The following CCDC90B variants were observed in gnomAD, a reference collection of about 807,000 sequenced individuals.
CCDC90B encodes the protein coiled-coil domain containing 90B, also known as coiled-coil domain-containing protein 90B, mitochondrial.
Under a neutral mutation model 37.0 loss-of-function variants are expected in CCDC90B, and 24 were observed. That is an observed-to-expected ratio of 0.65 (90% confidence interval 0.47 to 0.91). The LOEUF is 0.91. Ranked by LOEUF, CCDC90B falls within the 40% of genes least tolerant of loss-of-function variation. The pLI is 0.00. For missense variants in CCDC90B, 319 were observed against 299.0 expected (o/e 1.07, Z -0.49); for synonymous variants, 113 against 101.1 (o/e 1.12, Z -0.71).
intron 4 of CCDC90B, 64 bp downstream of exon 4, chr11:83,274,571 ATTCC>A (rs1864906011): frequency 1.1e-6 from 1 of 888,128 alleles, no homozygotes; most frequent in East Asian, 2.7e-5. Context: ...TTATTAACTT[ATTCC>A]TTAAGTAGGA....
intron 3 of CCDC90B, among the ~76,000 whole-genome samples, chr11:83,277,118 A>C (rs952987684): frequency 6.6e-6 from 1 of 152,228 alleles, no homozygotes; most frequent in Non-Finnish European, 1.5e-5. Context: ...CAAAAGTTTA[A>C]TAGTGATATT....
chr11:83,277,318 TA>T lies in CCDC90B; in HGVS notation c.324+1407del, dbSNP rs747845336. Among the ~76,000 whole-genome samples the T allele has an allele frequency of 3.3e-5, 5 of 152,308 alleles. No individual in the cohort carries two copies. The South Asian group carries it at 6.2e-4, about 19-fold the overall frequency. ...GGACAGCTCGGAGCTTAGGAGTAAC[TA>T]ATTAGATGTTTGGCTTTTTCTTTAG... On this transcript the variant is annotated intron_variant, in intron 3 of 8. Coordinates refer to ENST00000529689, the MANE Select transcript of CCDC90B (RefSeq NM_021825.5).
At chr11:83,277,177 G>A (rs1865087700) in intron 3 of CCDC90B, among the ~76,000 whole-genome samples, 1 of 152,162 alleles carries the variant, frequency 6.6e-6, no homozygotes, top group Non-Finnish European at 1.5e-5. Context: ...GGTCCTGGCA[G>A]CACAAATATT....
rs1406471427 is a variant in CCDC90B at position 83,260,514 on chromosome 11, G to C, written c.*1397C>G. ...TCTTTTGAAAACAAACCAGCAGTTAGATTTTTGAGGAAAATATAGTTGGAA... is the reference window on the plus strand; with the variant it reads ...TCTTTTGAAAACAAACCAGCAGTTACATTTTTGAGGAAAATATAGTTGGAA... On this transcript the variant is annotated 3_prime_UTR_variant, in exon 9 of 9. Transcript: ENST00000529689. The C allele has an allele frequency of 6.6e-6, 1 of 152,222 alleles. No homozygotes were observed. Among genetic ancestry groups the C allele is most frequent in the Non-Finnish European group, 1.5e-5 (1 of 68,042 alleles). The allele number at this position is 152,222 out of a possible 1,614,324, so 9.4% of individuals were successfully genotyped here.
intron 1 of CCDC90B, 130 bp downstream of exon 1, chr11:83,285,743 C>T (rs1016940589): frequency 6.9e-7 from 1 of 1,458,614 alleles, no homozygotes; most frequent in African/African-American, 1.4e-5. Flanking sequence ...CGGCGTCGCC[C>T]AGCACAAGGC....
chr11:83,286,177 C>G lies in CCDC90B; in HGVS notation c.-205G>C, dbSNP rs751157972. The G allele has an allele frequency of 1.3e-6, 2 of 1,534,796 alleles. No homozygotes were observed. Among genetic ancestry groups the G allele is most frequent in the South Asian group, 2.4e-5 (2 of 84,040 alleles). On this transcript the variant is annotated 5_prime_UTR_variant, in exon 1 of 9. Coordinates refer to ENST00000529689, the MANE Select transcript of CCDC90B (RefSeq NM_021825.5). ...AGACCCACAGTTCGCGAGCATGGCT[C>G]AGCGCTGCCCCGCTTCTCCCAGCGC... is the stretch of plus-strand genomic sequence containing the variant.
chr11:83,262,070 C>G (rs904785741), intron 8 of CCDC90B, 104 bp from the exon 9 acceptor site: 2 of 729,240 alleles, frequency 2.7e-6, no homozygotes, highest in South Asian at 2.1e-5. Flanking sequence ...AACAGGAAAT[C>G]CAACCAATTT....
At chr11:83,263,694 G>A (rs923806908) in intron 8 of CCDC90B, among the ~76,000 whole-genome samples, 1 of 152,172 alleles carries the variant, frequency 6.6e-6, no homozygotes, top group African/African-American at 2.4e-5. Context: ...TTGGAACTAA[G>A]GAAAGAGGGC....
At chr11:83,274,781 G>T in intron 3 of CCDC90B, 41 bp from the exon 4 acceptor site, 1 of 1,242,800 alleles carries the variant, frequency 8.0e-7, no homozygotes, top group Non-Finnish European at 1.2e-6. Context: ...TCTATAGAAA[G>T]CCATCTTTTT....
At position 83,286,063 on chromosome 11, in the gene CCDC90B, G is replaced by A. The variant is rs1469992987; in HGVS notation, c.-91C>T. 5 of 1,542,532 alleles carry A rather than the reference G, an allele frequency of 3.2e-6. No individual in the cohort carries two copies. Among genetic ancestry groups the A allele is most frequent in the Non-Finnish European group, 4.4e-6 (5 of 1,147,360 alleles). On this transcript the variant is annotated 5_prime_UTR_variant, in exon 1 of 9. Coordinates refer to ENST00000529689, the MANE Select transcript of CCDC90B (RefSeq NM_021825.5). ...AAGGTAGTTCTGGCACCACAGGAAT[G>A]CTGGGAATTGTAGTTTTCGCTCTGT...
Position 83,278,710 on chromosome 11 carries a change from G to C in CCDC90B, c.324+16C>G, listed in dbSNP as rs761878692. On this transcript the variant is annotated intron_variant, in intron 3 of 8. Coordinates refer to ENST00000529689, the MANE Select transcript of CCDC90B (RefSeq NM_021825.5). ...TCTAATGAAAGTATCAGAAGTGATA[G>C]TAATCAGTGTATTACCTGTTGAGCT... 8.2e-6 allele frequency: 12 copies of C among 1,462,474 alleles called. No homozygotes were observed. The South Asian group carries it at 1.4e-4, about 17-fold the overall frequency. The allele number at this position is 1,462,474 out of a possible 1,614,324, so 90.6% of individuals were successfully genotyped here.
chr11:83,271,918 C>T (rs1467212409), intron 7 of CCDC90B, among the ~76,000 whole-genome samples: 9 of 152,100 alleles, frequency 5.9e-5, no homozygotes, highest in Admixed American at 1.3e-4. Flanking sequence ...ATATACACCA[C>T]GGAATACTAT....
intron 1 of CCDC90B, 23 bp downstream of exon 1, chr11:83,285,850 T>C: frequency 6.2e-7 from 1 of 1,602,666 alleles, no homozygotes; most frequent in Non-Finnish European, 8.5e-7. Flanking sequence ...CTCAGGCATC[T>C]ATGACACGAC....
chr11:83,284,026 C>T (rs1177242753), intron 1 of CCDC90B, among the ~76,000 whole-genome samples: 2 of 152,104 alleles, frequency 1.3e-5, no homozygotes, highest in South Asian at 2.1e-4. Flanking sequence ...ATGAAGTGCC[C>T]AGAATCAGTG....
At chr11:83,266,275 C>T (rs756487156) in intron 7 of CCDC90B, among the ~76,000 whole-genome samples, 2 of 152,138 alleles carry the variant, frequency 1.3e-5, no homozygotes, top group African/African-American at 2.4e-5. Flanking sequence ...GTGCAGCGCA[C>T]GGAGGGTGAG....
intron 7 of CCDC90B, among the ~76,000 whole-genome samples, chr11:83,273,060 A>G (rs1447922587): frequency 6.6e-6 from 1 of 150,584 alleles, no homozygotes; most frequent in East Asian, 2.0e-4. Context: ...AAGTGAATTA[A>G]CAGATATAAG....
chr11:83,279,183 A>G (rs1865228428), intron 2 of CCDC90B, among the ~76,000 whole-genome samples: 1 of 152,082 alleles, frequency 6.6e-6, no homozygotes, highest in South Asian at 2.1e-4. Context: ...CGGGAGGCTG[A>G]GGCAGGAGAA....
chr11:83,261,703 A>G lies in CCDC90B; in HGVS notation c.*208T>C. 2.7e-6 allele frequency: 1 copy of G among 368,108 alleles called. No homozygotes were observed. The highest frequency in any genetic ancestry group is 4.9e-6 in the Non-Finnish European group (1 of 204,204). 22.8% of individuals were successfully genotyped at this position (368,108 alleles called of 1,614,324 possible). On this transcript the variant is annotated 3_prime_UTR_variant, in exon 9 of 9. Coordinates refer to ENST00000529689, the MANE Select transcript of CCDC90B (RefSeq NM_021825.5). ...ACCAGGTCTGAGTGACAGCTTTTCA[A>G]TATAATAAAGACACACACCTGCACT...
chr11:83,284,577 T>A (rs1230650785), intron 1 of CCDC90B, among the ~76,000 whole-genome samples: 1 of 152,234 alleles, frequency 6.6e-6, no homozygotes, highest in African/African-American at 2.4e-5. Flanking sequence ...CCTTGATTAT[T>A]GACATTATTA....
Sources: gnomAD v4.1 joint callset for allele counts (sites outside exome capture counted in the v4.1 genomes callset) on GRCh38, gnomAD v4.1.1 for gene constraint, MANE v1.5 for transcripts, NCBI Gene and HGNC (gene_info 2026-07-23, HGNC 2026-07-21) for gene names.